RASL10A: variants seen among roughly 807,000 people sequenced by gnomAD.
RASL10A encodes the protein RAS like family 10 member A.
RASL10A carries 13 observed loss-of-function variants against 17.3 expected under a neutral mutation model. The observed-to-expected ratio is 0.75, with a 90% CI of 0.49 to 1.20. RASL10A has a LOEUF of 1.20. RASL10A is among the 50% of genes most tolerant of loss of function. The pLI is 0.00. For missense variants in RASL10A, 307 were observed against 310.3 expected (o/e 0.99, Z 0.08); for synonymous variants, 159 against 142.2 (o/e 1.12, Z -0.84).
In RASL10A at chr22:29,313,850, G is replaced by T; in HGVS notation, c.344+13C>A. On this transcript the variant is annotated intron_variant, in intron 2 of 2. Coordinates refer to ENST00000216101, the MANE Select transcript of RASL10A (RefSeq NM_006477.5). Reference sequence around the variant, plus strand: ...GTCCTAGCTCCCCACCGCCAGAACTGCCGGGCCCCTACCTGGTCTCCGCGA... The same window carrying T: ...GTCCTAGCTCCCCACCGCCAGAACTTCCGGGCCCCTACCTGGTCTCCGCGA... The T allele has an allele frequency of 1.9e-6, 3 of 1,612,534 alleles. No homozygotes were observed. Among genetic ancestry groups the T allele is most frequent in the East Asian group, 4.5e-5 (2 of 44,882 alleles).
intron 1 of RASL10A, 108 bp from the exon 2 acceptor site, chr22:29,314,095 C>T (rs2061438430): frequency 2.1e-6 from 3 of 1,448,746 alleles, no homozygotes; most frequent in Non-Finnish European, 2.8e-6. Context: ...CACCCCCATA[C>T]AGACCTCTGT....
upstream of RASL10A, among the ~76,000 whole-genome samples, chr22:29,318,909 G>A (rs761234420): frequency 1.4e-4 from 21 of 152,216 alleles, no homozygotes; most frequent in Non-Finnish European, 2.6e-4. Flanking sequence ...AGCTAGGCAG[G>A]GACGGGTGAA....
chr22:29,318,110 G>A (rs757917958), upstream of RASL10A, among the ~76,000 whole-genome samples: 8 of 152,204 alleles, frequency 5.3e-5, no homozygotes, highest in Admixed American at 6.5e-5. Context: ...TGTGTGAGGC[G>A]TCTCTGGCTC....
intron 2 of RASL10A, 85 bp downstream of exon 2, chr22:29,313,778 T>C (rs2061435956): frequency 1.9e-6 from 3 of 1,563,436 alleles, no homozygotes; most frequent in East Asian, 2.3e-5. Context: ...GCCCACGACG[T>C]TGGGAGACCC....
Position 29,313,508 on chromosome 22 carries a change from C to T in RASL10A, c.405G>A (p.Arg135=). The change falls in exon 3 of 3, where the codon CGG becomes CGA. Residue 135 remains arginine (R), a synonymous_variant. Coordinates refer to ENST00000216101, the MANE Select transcript of RASL10A (RefSeq NM_006477.5). ...LVVGNKRDRQ[R]LRFGPRRALA... is the part of the protein sequence containing the mutation. The stretch of plus-strand genomic sequence containing the variant: ...GCGCGCGCCGCGGTCCGAAGCGCAG[C>T]CGCTGCCTGTCCCGCTTGTTGCCTA... 1 of 1,571,306 alleles carries T rather than the reference C, an allele frequency of 6.4e-7. No individual in the cohort carries two copies. Among genetic ancestry groups the T allele is most frequent in the Non-Finnish European group, 8.6e-7 (1 of 1,166,776 alleles).
At chr22:29,319,458 G>T (rs559708202), upstream of RASL10A, 2 of 152,274 alleles carry the variant, frequency 1.3e-5, no homozygotes, top group African/African-American at 4.8e-5. Flanking sequence ...GACACAAGGA[G>T]GCTGGGCAGG....
chr22:29,313,131 G>C lies in RASL10A; in HGVS notation c.*170C>G. The C allele has an allele frequency of 1.1e-6, 1 of 912,450 alleles. No homozygotes were observed. Among genetic ancestry groups the C allele is most frequent in the East Asian group, 3.0e-5 (1 of 32,806 alleles). 56.5% of individuals were successfully genotyped at this position (912,450 alleles called of 1,614,324 possible). A position where few individuals can be genotyped will look rare whatever the true frequency, so the allele number is the denominator to read the frequency against. On this transcript the variant is annotated 3_prime_UTR_variant, in exon 3 of 3. Coordinates refer to ENST00000216101, the MANE Select transcript of RASL10A (RefSeq NM_006477.5). ...CTTGGGACCTGGTTGGGTCCAATGA[G>C]GTTCAAAAGGGGGCCAGTCGCTTAG...
At position 29,315,029 on chromosome 22, in the gene RASL10A, T is replaced by C; in HGVS notation, c.218A>G (p.Glu73Gly). ...AGPGSSPGGP[E>G]EWPDAKDWSL... ...CCTGCCCGCTCCTCGAGCCGCTACC[T>C]CCGGACCCCCGGGGCTCGAGCCGGG... Residue 73 changes from glutamate (E) to glycine (G), a missense_variant and splice_region_variant, in exon 1 of 3, where the codon GAG (glutamate) becomes GGG (glycine). Coordinates refer to ENST00000216101, the MANE Select transcript of RASL10A (RefSeq NM_006477.5). The surrounding 1 kb of genome is among the most constrained non-coding windows in gnomAD (Gnocchi z 5.5). 2.0e-6 allele frequency: 3 copies of C among 1,504,338 alleles called. No homozygotes were observed. The highest frequency in any genetic ancestry group is 2.7e-6 in the Non-Finnish European group (3 of 1,131,460). The allele number at this position is 1,504,338 out of a possible 1,614,324, so 93.2% of individuals were successfully genotyped here.
At chr22:29,314,165 A>C in intron 1 of RASL10A, 178 bp from the exon 2 acceptor site, 1 of 771,094 alleles carries the variant, frequency 1.3e-6, no homozygotes, top group Non-Finnish European at 2.0e-6. Flanking sequence ...AATTTTCCAA[A>C]TCGTGCCTGG....
chr22:29,316,251 G>A (rs951760755), upstream of RASL10A, among the ~76,000 whole-genome samples: 1 of 152,192 alleles, frequency 6.6e-6, no homozygotes, highest in Non-Finnish European at 1.5e-5. Flanking sequence ...CAGTGGGGGG[G>A]CCCTTGAAGT....
Position 29,313,897 on chromosome 22 carries a change from C to G in RASL10A, c.310G>C (p.Val104Leu), listed in dbSNP as rs150891069. ...GCGATGCGCTGCCGCAGGGCCTTCACGTAGTCGAAACTGTCCGGGCTGCAG... is the reference window on the plus strand; with the variant it reads ...GCGATGCGCTGCCGCAGGGCCTTCAGGTAGTCGAAACTGTCCGGGCTGCAG... ...DICSPDSFDY[V>L]KALRQRIAET... Residue 104 changes from valine (V) to leucine (L), a missense_variant, in exon 2 of 3, where the codon GTG becomes CTG. Coordinates refer to ENST00000216101, the MANE Select transcript of RASL10A (RefSeq NM_006477.5). 6.2e-7 allele frequency: 1 copy of G among 1,613,940 alleles called. No individual in the cohort carries two copies. Among genetic ancestry groups the G allele is most frequent in the South Asian group, 1.1e-5 (1 of 91,090 alleles).
chr22:29,313,453 A>G lies in RASL10A; in HGVS notation c.460T>C (p.Cys154Arg). 6.5e-7 allele frequency: 1 copy of G among 1,543,064 alleles called. No individual in the cohort carries two copies. Among genetic ancestry groups the G allele is most frequent in the Non-Finnish European group, 8.7e-7 (1 of 1,149,258 alleles). The change falls in exon 3 of 3, where the codon TGC (cysteine) becomes CGC (arginine). Residue 154 changes from cysteine (C) to arginine (R), a missense_variant. Transcript: ENST00000216101. ...TTGGCGGAGCACTCGAGGTAGCCGCAGCGCCAGCCCCTGCGCACTAGGGCG... is the reference window on the plus strand; with the variant it reads ...TTGGCGGAGCACTCGAGGTAGCCGCGGCGCCAGCCCCTGCGCACTAGGGCG... ...LAALVRRGWR[C>R]GYLECSAKYN...
chr22:29,314,986 C>G, intron 1 of RASL10A, 42 bp downstream of exon 1: 1 of 1,425,758 alleles, frequency 7.0e-7, no homozygotes, highest in African/African-American at 1.5e-5. Context: ...ACGCACACCC[C>G]TCACACTGTC....
intron 1 of RASL10A, among the ~76,000 whole-genome samples, chr22:29,314,790 G>C (rs1322917886): frequency 6.6e-6 from 1 of 152,138 alleles, no homozygotes; most frequent in Non-Finnish European, 1.5e-5. Flanking sequence ...CAAAGGTGGA[G>C]GCGCTCACAG....
chr22:29,312,964 T>G lies in RASL10A; in HGVS notation c.*337A>C. 1 of 334,352 alleles carries G rather than the reference T, an allele frequency of 3.0e-6. No homozygotes were observed. Among genetic ancestry groups the G allele is most frequent in the Non-Finnish European group, 5.4e-6 (1 of 185,554 alleles). 20.7% of individuals were successfully genotyped at this position (334,352 alleles called of 1,614,324 possible). A position where few individuals can be genotyped will look rare whatever the true frequency, so the allele number is the denominator to read the frequency against. On this transcript the variant is annotated 3_prime_UTR_variant, in exon 3 of 3. Transcript: ENST00000216101. Reference sequence around the variant, plus strand: ...TATTTTCCCTTTTATTATCCCGTGGTAGGTGTGGCATAAAGAATATGTCCA... The same window carrying G: ...TATTTTCCCTTTTATTATCCCGTGGGAGGTGTGGCATAAAGAATATGTCCA...
upstream of RASL10A, among the ~76,000 whole-genome samples, chr22:29,318,441 AG>A (rs1324738596): frequency 2.0e-5 from 3 of 152,202 alleles, no homozygotes; most frequent in African/African-American, 7.2e-5. Context: ...GAGGGTTCTC[AG>A]GAAGTACTCA....
At chr22:29,313,609 GC>G in intron 2 of RASL10A, 41 bp from the exon 3 acceptor site, 1 of 1,492,810 alleles carries the variant, frequency 6.7e-7, no homozygotes, top group Non-Finnish European at 8.8e-7. Context: ...GGACCCCACG[GC>G]CGGAGAATTC....
At chr22:29,318,522 G>A (rs948848172), upstream of RASL10A, among the ~76,000 whole-genome samples, 2 of 152,202 alleles carry the variant, frequency 1.3e-5, no homozygotes, top group Admixed American at 6.5e-5. Flanking sequence ...TCTAGGTCCC[G>A]TGGAGCCCCC....
rs760518916 is a variant in RASL10A, at chr22:29,313,582, G to A, written c.345-14C>T. ...GCGCCCGCCGGCCTGGGGGCCGAAT[G>A]GAGATGAGAGACGCGGGGACCCCAC... On this transcript the variant is annotated splice_polypyrimidine_tract_variant and intron_variant, in intron 2 of 2. Transcript: ENST00000216101. The A allele has an allele frequency of 5.3e-6, 8 of 1,523,248 alleles. No individual in the cohort carries two copies. The Admixed American group carries it at 8.3e-5, about 16-fold the overall frequency. The allele number at this position is 1,523,248 out of a possible 1,614,324, so 94.4% of individuals were successfully genotyped here.
Sources: gnomAD v4.1 joint callset for allele counts (sites outside exome capture counted in the v4.1 genomes callset) on GRCh38, gnomAD v4.1.1 for gene constraint, Gnocchi (gnomAD v3.1) non-coding constraint, MANE v1.5 for transcripts, NCBI Gene and HGNC (gene_info 2026-07-23, HGNC 2026-07-21) for gene names.